The following GMDS variants were observed in gnomAD, a reference collection of about 807,000 sequenced individuals.
The protein encoded by GMDS is GDP-mannose 4,6 dehydratase.
A neutral mutation model predicts 49.9 loss-of-function variants in GMDS; 20 were observed. The observed-to-expected ratio is 0.40, with a 90% CI of 0.28 to 0.58. The LOEUF is 0.58. Ranked by LOEUF, GMDS falls within the 20% of genes least tolerant of loss-of-function variation. The pLI is 0.42. For missense variants in GMDS, 362 were observed against 481.4 expected, an observed-to-expected ratio of 0.75 and a Z score of 2.32; for synonymous variants, 177 against 178.6, an observed-to-expected ratio of 0.99 and a Z score of 0.07.
rs544940027 is a variant in GMDS, at chr6:1,685,282, T to A, written c.987+41134A>T. ...CCAGTGTGGTGGTACATGCCTGTAA[T>A]CCAAGCTACTTGGGAGGCTGAGGCC... On this transcript the variant is annotated intron_variant, in intron 9 of 10. Transcript: ENST00000380815. Among the ~76,000 whole-genome samples, 6 of 152,182 alleles carry A rather than the reference T, an allele frequency of 3.9e-5. No individual in the cohort carries two copies. In the South Asian group the frequency reaches 1.2e-3, roughly 32 times the overall value.
At chr6:1,795,351 A>G (rs1329419367) in intron 7 of GMDS, among the ~76,000 whole-genome samples, 1 of 152,214 alleles carries the variant, frequency 6.6e-6, no homozygotes, top group Non-Finnish European at 1.5e-5. Context: ...AAATTACACT[A>G]ATGCATACAA....
At chr6:1,975,502 A>G (rs777090181) in intron 4 of GMDS, among the ~76,000 whole-genome samples, 4 of 152,224 alleles carry the variant, frequency 2.6e-5, no homozygotes, top group Non-Finnish European at 4.4e-5. Flanking sequence ...TAAAACATAC[A>G]AGCTGAAAAA....
chr6:1,999,209 C>T (rs1281818872), intron 4 of GMDS, among the ~76,000 whole-genome samples: 1 of 151,216 alleles, frequency 6.6e-6, no homozygotes, highest in African/African-American at 2.4e-5. Context: ...GTAATTCCAG[C>T]TACTTGGGAG....
intron 1 of GMDS, among the ~76,000 whole-genome samples, chr6:2,161,362 G>C (rs1028776452): frequency 1.3e-5 from 2 of 152,052 alleles, no homozygotes; most frequent in Non-Finnish European, 2.9e-5. Flanking sequence ...GTATATGTTA[G>C]TTTTGCTCAC....
chr6:2,114,738 A>G (rs1202259153), intron 4 of GMDS, among the ~76,000 whole-genome samples: 5 of 152,222 alleles, frequency 3.3e-5, no homozygotes, highest in Non-Finnish European at 7.3e-5. Context: ...GCAATCAGTT[A>G]TAAGATTGAG....
chr6:2,190,136 T>C (rs1778948762), intron 1 of GMDS, among the ~76,000 whole-genome samples: 1 of 152,216 alleles, frequency 6.6e-6, no homozygotes, highest in Admixed American at 6.5e-5. Flanking sequence ...AATGCTTTTA[T>C]TTTATATTTT....
intron 1 of GMDS, among the ~76,000 whole-genome samples, chr6:2,179,787 CATCT>C (rs985845439): frequency 5.9e-5 from 9 of 152,064 alleles, no homozygotes; most frequent in African/African-American, 1.9e-4. Flanking sequence ...GTGATAAACC[CATCT>C]ATCTATCTAC....
At chr6:1,626,446 A>C (rs944872466) in intron 9 of GMDS, among the ~76,000 whole-genome samples, 2 of 152,344 alleles carry the variant, frequency 1.3e-5, no homozygotes, top group Admixed American at 1.3e-4. Context: ...AAAACGAAGT[A>C]ATTTATTTTT....
At chr6:1,774,874 G>A (rs1486735658) in intron 7 of GMDS, among the ~76,000 whole-genome samples, 2 of 152,182 alleles carry the variant, frequency 1.3e-5, no homozygotes, top group Non-Finnish European at 2.9e-5. Flanking sequence ...GTTTCAGAGA[G>A]CTGAAGGTGG....
chr6:1,810,522 A>AACTCTTGACC lies in GMDS; in HGVS notation c.772-67937_772-67936insGGTCAAGAGT, dbSNP rs1770373175. On this transcript the variant is annotated intron_variant, in intron 7 of 10. Transcript: ENST00000380815. ...GGTCTCGAACTCTTGACCTCAGGTG[A>AACTCTTGACC]TCCACCTGCCTCGGCCTCCCAGAGT... 5.9e-5 allele frequency among the ~76,000 whole-genome samples: 9 copies of AACTCTTGACC among 152,122 alleles called. No homozygotes were observed. The South Asian group carries it at 1.9e-3, about 32-fold the overall frequency.
Position 2,136,317 on chromosome 6 carries a change from C to T in GMDS, c.103-11586G>A, listed in dbSNP as rs114425775. On this transcript the variant is annotated intron_variant, in intron 1 of 10. Transcript: ENST00000380815. ...AGTAAATTCATGTACCCAACCTGTACCAAATATACTTAAAAGTTTTCTCAT... is the reference window on the plus strand; with the variant it reads ...AGTAAATTCATGTACCCAACCTGTATCAAATATACTTAAAAGTTTTCTCAT... Among the ~76,000 whole-genome samples the T allele has an allele frequency of 5.7e-3, 864 of 152,264 alleles. 2 individuals are homozygous for T. Among genetic ancestry groups the T allele is most frequent in the Middle Eastern group, 0.017 (5 of 294 alleles).
intron 1 of GMDS, among the ~76,000 whole-genome samples, chr6:2,166,589 G>T (rs755398541): frequency 2.6e-5 from 4 of 152,142 alleles, no homozygotes; most frequent in Admixed American, 1.3e-4. Context: ...CCCACAAATA[G>T]CTGCTCTTAG....
At chr6:1,666,638 G>A (rs186175079) in intron 9 of GMDS, among the ~76,000 whole-genome samples, 81 of 152,294 alleles carry the variant, frequency 5.3e-4, no homozygotes, top group Middle Eastern at 6.8e-3. Context: ...TGGAATCACC[G>A]AGTTTCCACA....
chr6:2,169,345 G>A (rs1161718258), intron 1 of GMDS, among the ~76,000 whole-genome samples: 1 of 152,084 alleles, frequency 6.6e-6, no homozygotes, highest in African/African-American at 2.4e-5. Flanking sequence ...GGTGGCTCAC[G>A]CCTGTAATCC....
intron 7 of GMDS, among the ~76,000 whole-genome samples, chr6:1,870,583 T>C (rs1758686226): frequency 6.6e-6 from 1 of 152,148 alleles, no homozygotes; most frequent in Non-Finnish European, 1.5e-5. Flanking sequence ...CTCAGCACAT[T>C]TTGTCTTTTA....
intron 7 of GMDS, among the ~76,000 whole-genome samples, chr6:1,787,014 G>A (rs576821712): frequency 5.2e-4 from 79 of 152,210 alleles, no homozygotes; most frequent in Middle Eastern, 3.4e-3. Flanking sequence ...GCTCAGCCCC[G>A]CAGCCACTCA....
chr6:1,812,431 T>C (rs969417419), intron 7 of GMDS, among the ~76,000 whole-genome samples: 1 of 151,798 alleles, frequency 6.6e-6, no homozygotes, highest in Non-Finnish European at 1.5e-5. Context: ...AAACCAGAGG[T>C]TCCCAGTGTT....
At chr6:2,226,745 T>C (rs1236688164) in intron 1 of GMDS, among the ~76,000 whole-genome samples, 1 of 152,244 alleles carries the variant, frequency 6.6e-6, no homozygotes, top group Admixed American at 6.5e-5. Context: ...ACACCTAACA[T>C]GTGAACTAAA....
chr6:1,811,595 C>T (rs1770433016), intron 7 of GMDS, among the ~76,000 whole-genome samples: 1 of 136,422 alleles, frequency 7.3e-6, no homozygotes, highest in Admixed American at 7.8e-5. Context: ...CTTCACAATG[C>T]TTTCTGGAGA....
Sources: allele counts gnomAD v4.1 joint callset (sites outside exome capture counted in the v4.1 genomes callset), GRCh38; gene constraint gnomAD v4.1.1; transcripts MANE v1.5; gene names NCBI Gene and HGNC (gene_info 2026-07-23, HGNC 2026-07-21).